The following MATCAP2 variants were observed in gnomAD, a reference collection of about 807,000 sequenced individuals.
MATCAP2 encodes the protein microtubule associated tyrosine carboxypeptidase 2, also known as putative tyrosine carboxypeptidase MATCAP2.
the MATCAP2 span, among the ~76,000 whole-genome samples, chr7:36,345,048 T>G: frequency 2.0e-5 from 3 of 152,208 alleles, no homozygotes; most frequent in South Asian, 6.2e-4. Context: ...CTTCCCTTTG[T>G]GTACATCTTA....
chr7:36,327,405 G>A, the MATCAP2 span, among the ~76,000 whole-genome samples: 382 of 152,268 alleles, frequency 2.5e-3, 2 homozygotes, highest in South Asian at 5.6e-3. Flanking sequence ...AAAGTGCTGG[G>A]ATTACAGGCG....
chr7:36,333,377 AAT>A, the MATCAP2 span, among the ~76,000 whole-genome samples: 1 of 152,100 alleles, frequency 6.6e-6, no homozygotes, highest in Non-Finnish European at 1.5e-5. Context: ...GGAAATGGGG[AAT>A]GAATGCTAAT....
At chr7:36,339,381 A>C in the MATCAP2 span, among the ~76,000 whole-genome samples, 1 of 152,364 alleles carries the variant, frequency 6.6e-6, no homozygotes, top group South Asian at 2.1e-4. Flanking sequence ...AAGCCTTGCT[A>C]TTCAAAGTAT....
chr7:36,349,456 C>T, the MATCAP2 span, among the ~76,000 whole-genome samples: 1 of 152,100 alleles, frequency 6.6e-6, no homozygotes, highest in Non-Finnish European at 1.5e-5. Context: ...CTGACTGTGC[C>T]TTCAATGAAT....
chr7:36,348,706 A>G, the MATCAP2 span, among the ~76,000 whole-genome samples: 1 of 152,238 alleles, frequency 6.6e-6, no homozygotes, highest in Non-Finnish European at 1.5e-5. Context: ...GATCCAATGT[A>G]GTAATACTTT....
At chr7:36,371,416 G>T in the MATCAP2 span, among the ~76,000 whole-genome samples, 2 of 151,952 alleles carry the variant, frequency 1.3e-5, no homozygotes, top group Non-Finnish European at 2.9e-5. Flanking sequence ...TTTTTATTTT[G>T]TCAGTAACTT....
the MATCAP2 span, among the ~76,000 whole-genome samples, chr7:36,354,580 C>T: frequency 6.6e-6 from 1 of 152,170 alleles, no homozygotes; most frequent in Non-Finnish European, 1.5e-5. Context: ...TCCTGGAGAC[C>T]AGCCTTGAAG....
the MATCAP2 span, chr7:36,357,099 T>C: frequency 6.2e-7 from 1 of 1,614,232 alleles, no homozygotes; most frequent in South Asian, 1.1e-5. Context: ...TTTTCAAAGC[T>C]TCTAGACAGC....
At chr7:36,359,727 G>T in the MATCAP2 span, among the ~76,000 whole-genome samples, 1 of 152,132 alleles carries the variant, frequency 6.6e-6, no homozygotes. Context: ...ATCATAGGCT[G>T]GTAGCTCCCA....
the MATCAP2 span, among the ~76,000 whole-genome samples, chr7:36,386,090 G>C: frequency 0.035 from 5,313 of 151,784 alleles, 120 homozygotes; most frequent in African/African-American, 0.054. Context: ...GGGAGGCAGA[G>C]GTTGTAGTCA....
the MATCAP2 span, chr7:36,390,034 C>T: frequency 3.2e-5 from 52 of 1,613,910 alleles, no homozygotes; most frequent in Admixed American, 8.5e-4. Flanking sequence ...GCGATGGATC[C>T]GTTTACGGAG....
At chr7:36,348,461 G>C in the MATCAP2 span, among the ~76,000 whole-genome samples, 1 of 152,180 alleles carries the variant, frequency 6.6e-6, no homozygotes, top group African/African-American at 2.4e-5. Context: ...ATAAAACACT[G>C]TGCTGGCCAA....
chr7:36,389,098 A>T, the MATCAP2 span, among the ~76,000 whole-genome samples: 3 of 152,160 alleles, frequency 2.0e-5, no homozygotes, highest in Non-Finnish European at 4.4e-5. Context: ...TCTGTAGCCC[A>T]GGCTGGAATG....
At chr7:36,337,064 C>A in the MATCAP2 span, among the ~76,000 whole-genome samples, 1 of 115,330 alleles carries the variant, frequency 8.7e-6, no homozygotes, top group Non-Finnish European at 1.7e-5. Context: ...CGCCATTGCA[C>A]TCCAGCCTGG....
the MATCAP2 span, among the ~76,000 whole-genome samples, chr7:36,347,638 G>T: frequency 6.6e-6 from 1 of 152,122 alleles, no homozygotes; most frequent in Non-Finnish European, 1.5e-5. Flanking sequence ...AGCATGGAGG[G>T]GCTGTGAATG....
At chr7:36,354,019 T>C in the MATCAP2 span, among the ~76,000 whole-genome samples, 1 of 152,172 alleles carries the variant, frequency 6.6e-6, no homozygotes, top group African/African-American at 2.4e-5. Context: ...TCCAGATCCC[T>C]TCCTTAGCAC....
At chr7:36,389,849 G>C in the MATCAP2 span, 24 of 1,165,572 alleles carry the variant, frequency 2.1e-5, no homozygotes, top group Middle Eastern at 2.6e-4. Flanking sequence ...AAATTTGAAC[G>C]GCTGCAGAGG....
chr7:36,363,336 C>A, the MATCAP2 span, among the ~76,000 whole-genome samples: 17 of 152,230 alleles, frequency 1.1e-4, no homozygotes, highest in African/African-American at 4.1e-4. Context: ...ATATCACATA[C>A]AAAATAAAGC....
chr7:36,362,701 A>G, the MATCAP2 span, among the ~76,000 whole-genome samples: 1 of 152,128 alleles, frequency 6.6e-6, no homozygotes, highest in African/African-American at 2.4e-5. Flanking sequence ...CACTTTGACC[A>G]TATCTCATAC....
Sources: allele counts gnomAD v4.1 joint callset (sites outside exome capture counted in the v4.1 genomes callset), GRCh38; gene constraint gnomAD v4.1.1; transcripts MANE v1.5; gene names NCBI Gene and HGNC (gene_info 2026-07-23, HGNC 2026-07-21).